Variants in FOXK2 observed in about 807,000 individuals in gnomAD.
FOXK2 encodes forkhead box K2, also known as forkhead box protein K2.
Under a neutral mutation model 53.3 loss-of-function variants are expected in FOXK2, and 24 were observed. That is an observed-to-expected ratio of 0.45 (90% confidence interval 0.33 to 0.63). The LOEUF (loss-of-function observed/expected upper bound fraction) is 0.63. Ranked by LOEUF, FOXK2 falls within the 30% of genes least tolerant of loss-of-function variation. The pLI is 0.03. For synonymous variants in FOXK2, 505 were observed against 407.1 expected (o/e 1.24, Z -2.89); for missense variants, 952 against 910.5 (o/e 1.05, Z -0.59).
At chr17:82,532,604 T>G (rs2144054501) in intron 1 of FOXK2, among the ~76,000 whole-genome samples, 1 of 152,344 alleles carries the variant, frequency 6.6e-6, no homozygotes, top group South Asian at 2.1e-4. Flanking sequence ...TGTTTTTTTC[T>G]GAGACTACGT....
chr17:82,540,238 G>T (rs2144070624), intron 1 of FOXK2, among the ~76,000 whole-genome samples: 1 of 151,544 alleles, frequency 6.6e-6, no homozygotes, highest in Non-Finnish European at 1.5e-5. Flanking sequence ...CCGAGGTCAT[G>T]CCATCGCAGT....
chr17:82,537,917 CAAAAA>C (rs568515827), intron 1 of FOXK2, among the ~76,000 whole-genome samples: 1,375 of 67,510 alleles, frequency 0.02, 22 homozygotes, highest in African/African-American at 0.073. Context: ...ACTCTGTCTC[CAAAAA>C]AAAAAAAAAA....
chr17:82,533,651 A>G (rs2044493371), intron 1 of FOXK2, among the ~76,000 whole-genome samples: 1 of 152,124 alleles, frequency 6.6e-6, no homozygotes, highest in African/African-American at 2.4e-5. Flanking sequence ...TGAGTAATTC[A>G]TTGCACTATG....
At chr17:82,568,749 C>A (rs2044880272) in intron 3 of FOXK2, among the ~76,000 whole-genome samples, 1 of 152,160 alleles carries the variant, frequency 6.6e-6, no homozygotes, top group East Asian at 1.9e-4. Flanking sequence ...GTGGCTCATG[C>A]CTGTAATCCC....
rs1308100585 is a variant in FOXK2, at chr17:82,589,060, C to CA, written c.1786+1795dup. 3.3e-5 allele frequency among the ~76,000 whole-genome samples: 5 copies of CA among 151,502 alleles called. No homozygotes were observed. The East Asian group carries it at 5.8e-4, about 18-fold the overall frequency. ...GCGACCGTGCGAGACTCTGTCTCAA[C>CA]AAAAAAAGAAAAACGGTATCCTTTT... On this transcript the variant is annotated intron_variant, in intron 8 of 8. Transcript: ENST00000335255.
In FOXK2 at chr17:82,538,712, C is replaced by T. The variant is rs527368696; in HGVS notation, c.419+18405C>T. Among the ~76,000 whole-genome samples the T allele has an allele frequency of 4.6e-5, 7 of 152,286 alleles. No homozygotes were observed. In the East Asian group the frequency reaches 1.2e-3, roughly 25 times the overall value. On this transcript the variant is annotated intron_variant, in intron 1 of 8. Coordinates refer to ENST00000335255, the MANE Select transcript of FOXK2 (RefSeq NM_004514.4). ...GAACCCCACCAAACTTAGGATGCAT[C>T]TTTCCAGCCGGGCCCTTCCTCAAGC...
At chr17:82,544,320 T>C (rs190862038) in intron 1 of FOXK2, among the ~76,000 whole-genome samples, 3 of 152,360 alleles carry the variant, frequency 2.0e-5, no homozygotes, top group African/African-American at 4.8e-5. Context: ...CTCTGGACAG[T>C]AGTTAAATGG....
chr17:82,543,340 C>G (rs778939364), intron 1 of FOXK2, among the ~76,000 whole-genome samples: 1 of 152,230 alleles, frequency 6.6e-6, no homozygotes, highest in Non-Finnish European at 1.5e-5. Context: ...CAGCCTGGAA[C>G]TCCCGGGCTC....
intron 1 of FOXK2, among the ~76,000 whole-genome samples, chr17:82,555,151 T>G (rs537512417): frequency 6.1e-4 from 93 of 152,244 alleles, no homozygotes; most frequent in Admixed American, 2.7e-3. Context: ...ACACTTAAAC[T>G]CCATCATTGA....
intron 4 of FOXK2, chr17:82,576,849 T>C (rs2044992705): frequency 1.9e-6 from 1 of 534,778 alleles, no homozygotes; most frequent in Admixed American, 2.9e-5. Context: ...TGTTCTTCAA[T>C]ATATTTTTCT....
At chr17:82,568,392 T>C (rs1166456216) in intron 3 of FOXK2, among the ~76,000 whole-genome samples, 191 bp downstream of exon 3, 1 of 152,250 alleles carries the variant, frequency 6.6e-6, no homozygotes, top group Non-Finnish European at 1.5e-5. Flanking sequence ...TGTACTCGTT[T>C]AGTCATTCAA....
chr17:82,548,257 T>TGAC (rs2044645672), intron 1 of FOXK2, among the ~76,000 whole-genome samples: 1 of 152,264 alleles, frequency 6.6e-6, no homozygotes, highest in South Asian at 2.1e-4. Context: ...TGGCAGTATG[T>TGAC]GACAGCTAGT....
chr17:82,584,816 T>G (rs1476514903), intron 6 of FOXK2, among the ~76,000 whole-genome samples: 1 of 152,228 alleles, frequency 6.6e-6, no homozygotes, highest in Non-Finnish European at 1.5e-5. Context: ...CCTCCCAAAG[T>G]GCTGGGCGTA....
intron 1 of FOXK2, among the ~76,000 whole-genome samples, chr17:82,541,686 T>C (rs1036235230): frequency 6.6e-6 from 1 of 151,956 alleles, no homozygotes; most frequent in South Asian, 2.1e-4. Context: ...GTGAACTGCA[T>C]TGTACCTGTT....
At chr17:82,594,391 G>A (rs987534547) in intron 8 of FOXK2, among the ~76,000 whole-genome samples, 2 of 151,946 alleles carry the variant, frequency 1.3e-5, no homozygotes, top group Non-Finnish European at 2.9e-5. Flanking sequence ...CCAGCTATTC[G>A]GGAGGCTGAG....
chr17:82,576,222 T>A lies in FOXK2; in HGVS notation c.909+4352T>A, dbSNP rs1057352254. Among the ~76,000 whole-genome samples the A allele has an allele frequency of 4.2e-3, 252 of 60,428 alleles. 6 individuals carry two copies. The highest frequency in any genetic ancestry group is 6.8e-3 in the Non-Finnish European group (212 of 31,238). 39.6% of individuals were successfully genotyped at this position (60,428 alleles called of 152,430 possible). ...GTCCACACCAGCGTGTGTGCTCGGG[T>A]GGCGGCGGCGGGTTCGTCCACACCA... is the stretch of plus-strand genomic sequence containing the variant. On this transcript the variant is annotated intron_variant, in intron 4 of 8. Coordinates refer to ENST00000335255, the MANE Select transcript of FOXK2 (RefSeq NM_004514.4).
intron 1 of FOXK2, among the ~76,000 whole-genome samples, chr17:82,533,117 C>T (rs2044487918): frequency 6.6e-6 from 1 of 152,274 alleles, no homozygotes; most frequent in Non-Finnish European, 1.5e-5. Flanking sequence ...TGGATACTTC[C>T]TGAAGGACCT....
Position 82,587,120 on chromosome 17 carries a change from T to A in FOXK2, c.1634T>A (p.Ile545Asn), listed in dbSNP as rs773687064. ...GHATLGTASRIIQTAQTTPVQ... is the reference protein window; with the variant it reads ...GHATLGTASRNIQTAQTTPVQ... ...GCCACGCTCGGCACTGCCAGCCGGA[T>A]CATTCAGACGGCACAGACCACCCCG... The change falls in exon 8 of 9, where the codon ATC (isoleucine) becomes AAC (asparagine). Residue 545 changes from isoleucine (I) to asparagine (N), a missense_variant. Physicochemically the swap from Ile to Asn is moderately radical, Grantham distance 149 (BLOSUM62 -3). Around this residue, in one of 5 missense-constraint regions of FOXK2, gnomAD observed 551 missense variants for 385.1 expected, o/e 1.43. Transcript: ENST00000335255. 6.2e-7 allele frequency: 1 copy of A among 1,613,048 alleles called. No individual in the cohort carries two copies. Among genetic ancestry groups the A allele is most frequent in the Non-Finnish European group, 8.5e-7 (1 of 1,180,014 alleles).
chr17:82,601,636 G>A lies in FOXK2; in HGVS notation c.*137G>A. 2 of 778,466 alleles carry A rather than the reference G, an allele frequency of 2.6e-6. No homozygotes were observed. The highest frequency in any genetic ancestry group is 1.7e-5 in the African/African-American group (1 of 57,436). 48.2% of individuals were successfully genotyped at this position (778,466 alleles called of 1,614,324 possible). A position where few individuals can be genotyped will look rare whatever the true frequency, so the allele number is the denominator to read the frequency against. ...GCACTGAAAACCCAAAACCCAGCTG[G>A]CCTTAACACTCCTTAAAGACAGAAG... On this transcript the variant is annotated 3_prime_UTR_variant, in exon 9 of 9. Coordinates refer to ENST00000335255, the MANE Select transcript of FOXK2 (RefSeq NM_004514.4).
Sources: allele counts gnomAD v4.1 joint callset (sites outside exome capture counted in the v4.1 genomes callset), GRCh38; gene constraint gnomAD v4.1.1; regional missense constraint gnomAD v4.1.1; transcripts MANE v1.5; gene names NCBI Gene and HGNC (gene_info 2026-07-23, HGNC 2026-07-21).